The following HOXC5 variants were observed in gnomAD, a reference collection of about 807,000 sequenced individuals.
The protein encoded by HOXC5 is homeobox protein Hox-C5.
In HOXC5, 19 loss-of-function variants were observed where a neutral mutation model predicts 20.1. The observed-to-expected ratio is 0.94, with a 90% confidence interval of 0.66 to 1.38. HOXC5 has a LOEUF of 1.38. HOXC5 is among the 40% of genes most tolerant of loss of function. The probability of loss-of-function intolerance (pLI) is 0.00; values close to 1 mark genes in which losing one functional copy is unlikely to be tolerated. For missense variants in HOXC5, 330 were observed against 300.1 expected (o/e 1.10, Z -0.74); for synonymous variants, 124 against 117.0 (o/e 1.06, Z -0.39).
At chr12:54,026,969 G>GT in the HOXC5 span, among the ~76,000 whole-genome samples, 15 of 137,874 alleles carry the variant, frequency 1.1e-4, no homozygotes, top group South Asian at 3.1e-3. Context: ...AATGGTGGGG[G>GT]GGGGGGGATA....
chr12:54,027,536 G>C, the HOXC5 span, among the ~76,000 whole-genome samples: 1 of 152,212 alleles, frequency 6.6e-6, no homozygotes, highest in Non-Finnish European at 1.5e-5. Flanking sequence ...TCTCTAGAAA[G>C]ATTCTCAGAG....
upstream of HOXC5, chr12:54,029,044 T>C (rs2136437167): frequency 2.2e-6 from 2 of 928,090 alleles, no homozygotes; most frequent in Non-Finnish European, 3.1e-6. Flanking sequence ...GCTCGTCTCC[T>C]CACCGAGACA....
At chr12:54,030,240 G>T (rs1940931935), upstream of HOXC5, 1 of 301,294 alleles carries the variant, frequency 3.3e-6, no homozygotes, top group Non-Finnish European at 6.2e-6. Flanking sequence ...TGGGGGCTCG[G>T]ACCCTGAACT....
the HOXC5 span, among the ~76,000 whole-genome samples, chr12:54,026,052 C>A: frequency 2.0e-5 from 3 of 152,110 alleles, no homozygotes; most frequent in Admixed American, 1.3e-4. Context: ...TTGTACATTG[C>A]AACAATTTAA....
chr12:54,027,013 AC>A, the HOXC5 span, among the ~76,000 whole-genome samples: 1 of 137,358 alleles, frequency 7.3e-6, no homozygotes, highest in South Asian at 2.3e-4. Context: ...ACTCCCCACC[AC>A]CCTTCTTTGT....
chr12:54,034,846 G>A lies in HOXC5; in HGVS notation c.*354G>A, dbSNP rs887440246. The stretch of plus-strand genomic sequence containing the variant: ...CCCAGCCTCAGCGCGGCCCTCCCGA[G>A]TTAAGGTGGGCCCGGCCCGCGCCAC... On this transcript the variant is annotated 3_prime_UTR_variant, in exon 2 of 2. Transcript: ENST00000312492. 3.3e-6 allele frequency: 1 copy of A among 305,008 alleles called. No homozygotes were observed. Among genetic ancestry groups the A allele is most frequent in the African/African-American group, 2.1e-5 (1 of 46,598 alleles). The allele number at this position is 305,008 out of a possible 1,614,324, so 18.9% of individuals were successfully genotyped here.
chr12:54,024,419 G>T, the HOXC5 span, among the ~76,000 whole-genome samples: 2 of 152,312 alleles, frequency 1.3e-5, no homozygotes, highest in Non-Finnish European at 2.9e-5. Flanking sequence ...GTATCTGTGT[G>T]CGAGGGTTGG....
upstream of HOXC5, chr12:54,032,943 C>T (rs1941042591): frequency 3.5e-6 from 2 of 572,320 alleles, no homozygotes; most frequent in East Asian, 5.9e-5. Flanking sequence ...TGAGTGGCCG[C>T]TCGAGTCACG....
At position 54,034,684 on chromosome 12, in the gene HOXC5, C is replaced by T. The variant is rs745393889; in HGVS notation, c.*192C>T. On this transcript the variant is annotated 3_prime_UTR_variant, in exon 2 of 2. Transcript: ENST00000312492. ...CGACCCAGGGTTCCCGCGGGGCTGT[C>T]GGCGCTGCCCCATCTCCCCTCAGCT... 70 of 580,240 alleles carry T rather than the reference C, an allele frequency of 1.2e-4. No homozygotes were observed. The highest frequency in any genetic ancestry group is 2.0e-4 in the Non-Finnish European group (66 of 326,458). The allele number at this position is 580,240 out of a possible 1,614,324, so 35.9% of individuals were successfully genotyped here. A position where few individuals can be genotyped will look rare whatever the true frequency, so the allele number is the denominator to read the frequency against.
chr12:54,023,535 A>G, the HOXC5 span, among the ~76,000 whole-genome samples: 1 of 152,204 alleles, frequency 6.6e-6, no homozygotes, highest in Non-Finnish European at 1.5e-5. Flanking sequence ...AGCTCAAAAG[A>G]GGAATCACCA....
chr12:54,032,447 C>T (rs1032344355), upstream of HOXC5, among the ~76,000 whole-genome samples: 2 of 152,234 alleles, frequency 1.3e-5, no homozygotes, highest in Admixed American at 1.3e-4. Flanking sequence ...GTTTAGGGAA[C>T]CTAAGTTAAA....
intron 1 of HOXC5, chr12:54,033,800 T>C (rs915427580): frequency 5.2e-6 from 3 of 574,552 alleles, no homozygotes; most frequent in Non-Finnish European, 9.2e-6. Flanking sequence ...TATTCAATTT[T>C]TGGGGGAGAG....
the HOXC5 span, chr12:54,020,333 C>T: frequency 6.6e-6 from 1 of 152,270 alleles, no homozygotes; most frequent in African/African-American, 2.4e-5. Flanking sequence ...CACCCTTAGG[C>T]TTGCCTGCCC....
chr12:54,033,119 C>T lies in HOXC5; in HGVS notation c.-4C>T, dbSNP rs373282368. The T allele has an allele frequency of 6.3e-6, 10 of 1,595,722 alleles. No homozygotes were observed. The highest frequency in any genetic ancestry group is 8.6e-6 in the Non-Finnish European group (10 of 1,166,056). On this transcript the variant is annotated 5_prime_UTR_variant, in exon 1 of 2. Coordinates refer to ENST00000312492, the MANE Select transcript of HOXC5 (RefSeq NM_018953.4). ...TGCAGAAATTTTTTTGGGCCCTCCC[C>T]GCCATGAGCTCCTACGTAGCCAATT...
rs1941046668 is a variant in HOXC5, at chr12:54,033,070, C to T, written c.-53C>T. On this transcript the variant is annotated 5_prime_UTR_variant, in exon 1 of 2. Coordinates refer to ENST00000312492, the MANE Select transcript of HOXC5 (RefSeq NM_018953.4). ...AAAACCCCTCAACTTCAAAGAGTCA[C>T]AAATCACCCTTAATCAAAAAGGGTG... 2 of 1,467,306 alleles carry T rather than the reference C, an allele frequency of 1.4e-6. No individual in the cohort carries two copies. The highest frequency in any genetic ancestry group is 1.9e-6 in the Non-Finnish European group (2 of 1,066,568). 90.9% of individuals were successfully genotyped at this position (1,467,306 alleles called of 1,614,324 possible).
Position 54,033,370 on chromosome 12 carries a change from G to A in HOXC5, c.248G>A (p.Gly83Glu), listed in dbSNP as rs1941065218. The A allele has an allele frequency of 6.2e-7, 1 of 1,612,822 alleles. No individual in the cohort carries two copies. Among genetic ancestry groups the A allele is most frequent in the Admixed American group, 1.7e-5 (1 of 59,950 alleles). ...GCCTGCAGCGCCGCGGCCGCTCCGGGACACGCTCCGGGCAGAGACGAAGCG... is the reference window on the plus strand; with the variant it reads ...GCCTGCAGCGCCGCGGCCGCTCCGGAACACGCTCCGGGCAGAGACGAAGCG... ...RPACSAAAAP[G>E]HAPGRDEAAP... Residue 83 changes from glycine (G) to glutamate (E), a missense_variant, in exon 1 of 2, where the codon GGA becomes GAA. By Grantham distance (98) the Gly-to-Glu change is moderately conservative. Coordinates refer to ENST00000312492, the MANE Select transcript of HOXC5 (RefSeq NM_018953.4).
rs1265880039 is a variant in HOXC5, at chr12:54,034,701, C to G, written c.*209C>G. The stretch of plus-strand genomic sequence containing the variant: ...GGGGCTGTCGGCGCTGCCCCATCTC[C>G]CCTCAGCTCGGCTCAGCTCGGTACC... On this transcript the variant is annotated 3_prime_UTR_variant, in exon 2 of 2. Coordinates refer to ENST00000312492, the MANE Select transcript of HOXC5 (RefSeq NM_018953.4). The G allele has an allele frequency of 1.8e-6, 1 of 563,344 alleles. No individual in the cohort carries two copies. Among genetic ancestry groups the G allele is most frequent in the Non-Finnish European group, 3.2e-6 (1 of 315,318 alleles). The allele number at this position is 563,344 out of a possible 1,614,324, so 34.9% of individuals were successfully genotyped here. A position where few individuals can be genotyped will look rare whatever the true frequency, so the allele number is the denominator to read the frequency against.
upstream of HOXC5, chr12:54,028,993 C>T (rs1291948063): frequency 4.1e-6 from 6 of 1,453,014 alleles, no homozygotes; most frequent in Admixed American, 8.4e-5. Context: ...CCTAGAAGAA[C>T]GGGCGGAGAG....
upstream of HOXC5, among the ~76,000 whole-genome samples, chr12:54,031,727 G>C (rs149304279): frequency 3.3e-3 from 501 of 152,268 alleles, 4 homozygotes; most frequent in African/African-American, 0.011. Context: ...GTGAGGAGGG[G>C]GCCTTCTCCT....
Sources: gnomAD v4.1 joint callset for allele counts (sites outside exome capture counted in the v4.1 genomes callset) on GRCh38, gnomAD v4.1.1 for gene constraint, MANE v1.5 for transcripts, NCBI Gene and HGNC (gene_info 2026-07-23, HGNC 2026-07-21) for gene names.